PRMT3: variants seen among roughly 807,000 people sequenced by gnomAD.
PRMT3 encodes protein arginine methyltransferase 3.
Under a neutral mutation model 71.9 loss-of-function variants are expected in PRMT3, and 62 were observed. The ratio of observed to expected loss-of-function variants is 0.86; its 90% CI spans 0.70 to 1.07. The LOEUF is 1.07. Among genes scored for constraint, PRMT3 ranks in the 50% least tolerant of loss-of-function variants. The pLI, the probability that PRMT3 is intolerant of heterozygous loss-of-function variation, is 0.00. For missense variants in PRMT3, 663 were observed against 643.0 expected (o/e 1.03, Z -0.34); for synonymous variants, 213 against 220.4 (o/e 0.97, Z 0.30).
chr11:20,489,591 G>A (rs936546642), intron 13 of PRMT3, among the ~76,000 whole-genome samples: 2 of 151,968 alleles, frequency 1.3e-5, no homozygotes, highest in Admixed American at 1.3e-4. Context: ...GTAGCAAGGT[G>A]GCCAAACTGT....
At chr11:20,454,959 ATATTTACTATCT>A (rs747953883) in intron 11 of PRMT3, among the ~76,000 whole-genome samples, 3 of 152,094 alleles carry the variant, frequency 2.0e-5, no homozygotes, top group Non-Finnish European at 4.4e-5. Flanking sequence ...TTAGAGTTAT[ATATTTACTATCT>A]TACTTCTAAG....
In PRMT3 at chr11:20,508,951, T is replaced by C. The variant is rs536246984; in HGVS notation, c.*538T>C. 302 of 173,888 alleles carry C rather than the reference T, an allele frequency of 1.7e-3. No homozygotes were observed. Among genetic ancestry groups the C allele is most frequent in the Non-Finnish European group, 3.3e-3 (265 of 79,896 alleles). The allele number at this position is 173,888 out of a possible 1,614,324, so 10.8% of individuals were successfully genotyped here. On this transcript the variant is annotated 3_prime_UTR_variant, in exon 16 of 16. Coordinates refer to ENST00000331079, the MANE Select transcript of PRMT3 (RefSeq NM_005788.4). ...CTTCAGCCTTCATATACAAATCATA[T>C]ATGCAGACAGCCTAGTTGATTATCT...
chr11:20,406,858 A>G (rs1849083001), intron 8 of PRMT3: 1 of 152,086 alleles, frequency 6.6e-6, no homozygotes, highest in Non-Finnish European at 1.5e-5. Flanking sequence ...GTGTGAGGTG[A>G]TATTTATATT....
chr11:20,448,663 A>G (rs879714140), intron 10 of PRMT3, among the ~76,000 whole-genome samples: 1 of 152,134 alleles, frequency 6.6e-6, no homozygotes, highest in Non-Finnish European at 1.5e-5. Flanking sequence ...TACTGAAGGT[A>G]TCAAAAGTTT....
intron 7 of PRMT3, among the ~76,000 whole-genome samples, chr11:20,398,945 C>T (rs377657822): frequency 5.9e-5 from 9 of 152,140 alleles, no homozygotes; most frequent in South Asian, 2.1e-4. Context: ...ATTTTTATAA[C>T]GGTAATATCC....
intron 5 of PRMT3, among the ~76,000 whole-genome samples, chr11:20,395,182 G>GT (rs1220107390): frequency 1.3e-5 from 2 of 151,838 alleles, no homozygotes; most frequent in Non-Finnish European, 2.9e-5. Context: ...TAAATATTAG[G>GT]TTTTTTTCTT....
chr11:20,416,607 T>C (rs1849310700), intron 9 of PRMT3, among the ~76,000 whole-genome samples: 1 of 152,186 alleles, frequency 6.6e-6, no homozygotes, highest in African/African-American at 2.4e-5. Context: ...CACCAAAGCC[T>C]GCAAACCCAT....
At chr11:20,401,054 C>T (rs1021954113) in intron 7 of PRMT3, among the ~76,000 whole-genome samples, 1 of 151,528 alleles carries the variant, frequency 6.6e-6, no homozygotes, top group Non-Finnish European at 1.5e-5. Context: ...CTTTGGATTT[C>T]ATTACACCAG....
Position 20,508,617 on chromosome 11 carries a change from C to T in PRMT3, c.*204C>T, listed in dbSNP as rs538038582. The T allele has an allele frequency of 1.0e-5, 7 of 671,502 alleles. 1 individual carries two copies. The highest frequency in any genetic ancestry group is 6.0e-5 in the South Asian group (4 of 66,398). The allele number at this position is 671,502 out of a possible 1,614,324, so 41.6% of individuals were successfully genotyped here. A position where few individuals can be genotyped will look rare whatever the true frequency, so the allele number is the denominator to read the frequency against. On this transcript the variant is annotated 3_prime_UTR_variant, in exon 16 of 16. Coordinates refer to ENST00000331079, the MANE Select transcript of PRMT3 (RefSeq NM_005788.4). ...ATCAGCTGATCCTCATGGTCTGCCA[C>T]GTAATCATTTTCTTAGACGTTTGCT...
intron 10 of PRMT3, among the ~76,000 whole-genome samples, chr11:20,432,618 G>T (rs1029032691): frequency 6.6e-6 from 1 of 151,984 alleles, no homozygotes; most frequent in Non-Finnish European, 1.5e-5. Context: ...TCTATTTTTA[G>T]TTTTTTGGGG....
chr11:20,443,340 T>C (rs1485543714), intron 10 of PRMT3, among the ~76,000 whole-genome samples: 1 of 152,172 alleles, frequency 6.6e-6, no homozygotes, highest in Non-Finnish European at 1.5e-5. Context: ...TCACATTTGC[T>C]CTGTAGATAT....
chr11:20,391,758 A>G (rs1848721036), intron 3 of PRMT3, among the ~76,000 whole-genome samples: 1 of 152,224 alleles, frequency 6.6e-6, no homozygotes, highest in Non-Finnish European at 1.5e-5. Context: ...CGAGAACCAG[A>G]TAACAAGCCT....
At chr11:20,419,955 T>G (rs1316604419) in intron 9 of PRMT3, among the ~76,000 whole-genome samples, 2 of 152,172 alleles carry the variant, frequency 1.3e-5, no homozygotes, top group Non-Finnish European at 2.9e-5. Flanking sequence ...GTGAATTACT[T>G]TAGGCCAGGA....
At chr11:20,469,837 A>G (rs1242418382) in intron 13 of PRMT3, among the ~76,000 whole-genome samples, 1 of 152,138 alleles carries the variant, frequency 6.6e-6, no homozygotes, top group Non-Finnish European at 1.5e-5. Flanking sequence ...TTCTATTAGC[A>G]TGTACCAGAA....
intron 15 of PRMT3, among the ~76,000 whole-genome samples, chr11:20,497,192 T>C (rs1351548513): frequency 1.2e-5 from 1 of 80,206 alleles, no homozygotes; most frequent in Non-Finnish European, 2.7e-5. Flanking sequence ...TACGAGAAAA[T>C]ATTGTTTGAT....
intron 9 of PRMT3, among the ~76,000 whole-genome samples, chr11:20,425,957 TG>T (rs1198598806): frequency 6.6e-6 from 1 of 152,232 alleles, no homozygotes; most frequent in East Asian, 1.9e-4. Context: ...ATAGTTACAA[TG>T]TACATTCTGA....
chr11:20,402,343 T>C (rs992663401), intron 7 of PRMT3, among the ~76,000 whole-genome samples: 3 of 152,206 alleles, frequency 2.0e-5, no homozygotes, highest in African/African-American at 7.2e-5. Context: ...GGTCTCGAAC[T>C]CCTGACCTCA....
chr11:20,417,569 T>C (rs1265839691), intron 9 of PRMT3, among the ~76,000 whole-genome samples: 1 of 152,176 alleles, frequency 6.6e-6, no homozygotes, highest in African/African-American at 2.4e-5. Context: ...ATAGGGAAAA[T>C]GTAGATTGAA....
intron 11 of PRMT3, among the ~76,000 whole-genome samples, chr11:20,457,253 C>G (rs1397080961): frequency 1.3e-5 from 2 of 152,144 alleles, no homozygotes; most frequent in Non-Finnish European, 2.9e-5. Flanking sequence ...TTTCAACCCC[C>G]TTTCTCCTTC....
Sources: gnomAD v4.1 joint callset for allele counts (sites outside exome capture counted in the v4.1 genomes callset) on GRCh38, gnomAD v4.1.1 for gene constraint, MANE v1.5 for transcripts, NCBI Gene and HGNC (gene_info 2026-07-23, HGNC 2026-07-21) for gene names.